SAMM50: variants seen among roughly 807,000 people sequenced by gnomAD.
SAMM50 encodes sorting and assembly machinery component 50 homolog.
SAMM50 carries 47 observed loss-of-function variants against 66.9 expected under a neutral mutation model. That is an observed-to-expected ratio of 0.70 (90% CI 0.56 to 0.90). The LOEUF is 0.90. SAMM50 is among the 40% of genes least tolerant of loss of function. The pLI is 0.00. For synonymous variants in SAMM50, 191 were observed against 214.1 expected (o/e 0.89, Z 0.94); for missense variants, 535 against 595.3 (o/e 0.90, Z 1.05).
At chr22:43,962,659 A>G (rs1196324804) in intron 1 of SAMM50, among the ~76,000 whole-genome samples, 2 of 152,176 alleles carry the variant, frequency 1.3e-5, no homozygotes, top group Non-Finnish European at 2.9e-5. Context: ...CAAGGTAGCT[A>G]TCCTAACATG....
rs945554440 is a variant in SAMM50 at position 43,985,208 on chromosome 22, C to G, written c.1075+1208C>G. ...TAGGATTGGTGAAGCAATATGATAA[C>G]CTTATTAACTCAAGGCCATAGTTTA... On this transcript the variant is annotated intron_variant, in intron 12 of 14. Coordinates refer to ENST00000350028, the MANE Select transcript of SAMM50 (RefSeq NM_015380.5). Among the ~76,000 whole-genome samples the G allele has an allele frequency of 3.9e-5, 6 of 151,916 alleles. 1 individual carries two copies. Among genetic ancestry groups the G allele is most frequent in the African/African-American group, 1.5e-4 (6 of 41,234 alleles).
At chr22:43,976,332 TGTG>T (rs2050231961) in intron 8 of SAMM50, 149 bp downstream of exon 8, 1 of 848,314 alleles carries the variant, frequency 1.2e-6, no homozygotes. Flanking sequence ...CCCGAGGGCT[TGTG>T]GTGTCCTGCC....
intron 1 of SAMM50, among the ~76,000 whole-genome samples, chr22:43,956,864 T>A (rs1368530080): frequency 6.6e-6 from 1 of 152,228 alleles, no homozygotes; most frequent in African/African-American, 2.4e-5. Flanking sequence ...AGCAAAAGCC[T>A]TATGATTCTA....
At chr22:43,966,242 A>G (rs749987785) in intron 3 of SAMM50, among the ~76,000 whole-genome samples, 17 of 152,182 alleles carry the variant, frequency 1.1e-4, no homozygotes, top group Admixed American at 5.9e-4. Flanking sequence ...CTTTGTGTAC[A>G]TTGACTGTGT....
At chr22:43,980,465 C>A (rs1471638315) in intron 10 of SAMM50, among the ~76,000 whole-genome samples, 1 of 151,366 alleles carries the variant, frequency 6.6e-6, no homozygotes, top group Non-Finnish European at 1.5e-5. Context: ...CGAGCACAGC[C>A]CAGAGCACGG....
chr22:43,977,637 C>G (rs1383483646), intron 9 of SAMM50, among the ~76,000 whole-genome samples: 1 of 152,242 alleles, frequency 6.6e-6, no homozygotes, highest in Non-Finnish European at 1.5e-5. Flanking sequence ...CCAGTGCTCC[C>G]TGCACACAGC....
chr22:43,974,103 G>C (rs2050218761), intron 7 of SAMM50, among the ~76,000 whole-genome samples: 1 of 152,108 alleles, frequency 6.6e-6, no homozygotes, highest in Non-Finnish European at 1.5e-5. Context: ...AGAGCCCTGA[G>C]ATAGAATACT....
intron 4 of SAMM50, among the ~76,000 whole-genome samples, chr22:43,969,244 C>G (rs748090988): frequency 5.9e-5 from 9 of 152,220 alleles, no homozygotes; most frequent in African/African-American, 1.9e-4. Context: ...CAGCCCAGCA[C>G]TGTGCAGACC....
intron 4 of SAMM50, among the ~76,000 whole-genome samples, chr22:43,969,450 G>A (rs567300357): frequency 2.6e-5 from 4 of 152,208 alleles, no homozygotes; most frequent in South Asian, 2.1e-4. Flanking sequence ...GATGGGCTTC[G>A]GTCATAGCAG....
intron 14 of SAMM50, among the ~76,000 whole-genome samples, chr22:43,992,045 C>T (rs1377186962): frequency 1.7e-5 from 2 of 116,124 alleles, no homozygotes; most frequent in Non-Finnish European, 3.5e-5. Context: ...ATTCACAGCA[C>T]CCCAGCCTGT....
chr22:43,955,475 C>T lies in SAMM50; in HGVS notation c.-103C>T, dbSNP rs557381360. The T allele has an allele frequency of 2.2e-6, 3 of 1,387,902 alleles. No individual in the cohort carries two copies. Among genetic ancestry groups the T allele is most frequent in the South Asian group, 1.2e-5 (1 of 80,922 alleles). The allele number at this position is 1,387,902 out of a possible 1,614,324, so 86.0% of individuals were successfully genotyped here. A position where few individuals can be genotyped will look rare whatever the true frequency, so the allele number is the denominator to read the frequency against. ...GCGTCCGGGGGTTTGTGGGAGTTGC[C>T]TTGACCTGCAGCTCCGCCACCGCGG... On this transcript the variant is annotated 5_prime_UTR_variant, in exon 1 of 15. Transcript: ENST00000350028.
chr22:43,967,224 C>G (rs535307341), intron 3 of SAMM50, among the ~76,000 whole-genome samples: 16 of 152,342 alleles, frequency 1.1e-4, no homozygotes, highest in Admixed American at 5.9e-4. Flanking sequence ...GTCTTTCTAG[C>G]CAGCTCCTCT....
intron 12 of SAMM50, chr22:43,986,850 G>A (rs1343343983): frequency 6.6e-6 from 1 of 152,088 alleles, no homozygotes; most frequent in Admixed American, 6.5e-5. Flanking sequence ...ACTGCACCCA[G>A]GATTTCTTAA....
intron 10 of SAMM50, among the ~76,000 whole-genome samples, chr22:43,980,293 C>T (rs1369235688): frequency 7.2e-6 from 1 of 139,668 alleles, no homozygotes; most frequent in African/African-American, 2.7e-5. Flanking sequence ...AACTTCCATT[C>T]TTGAGGAGGG....
intron 1 of SAMM50, among the ~76,000 whole-genome samples, chr22:43,960,927 G>A (rs1239918148): frequency 6.6e-6 from 1 of 152,204 alleles, no homozygotes; most frequent in African/African-American, 2.4e-5. Context: ...AAGCCTGAAT[G>A]TGCGGGTGGA....
chr22:43,968,316 T>G (rs927474725), intron 3 of SAMM50, among the ~76,000 whole-genome samples: 2 of 148,626 alleles, frequency 1.3e-5, no homozygotes, highest in African/African-American at 5.0e-5. Flanking sequence ...CACAAGAAGA[T>G]GTGCATTTCT....
chr22:43,963,457 C>T (rs2050157799), intron 2 of SAMM50, 61 bp downstream of exon 2: 1 of 986,934 alleles, frequency 1.0e-6, no homozygotes, highest in Non-Finnish European at 1.5e-6. Flanking sequence ...TTCCATACAC[C>T]ACTAGGGAGA....
intron 12 of SAMM50, among the ~76,000 whole-genome samples, chr22:43,984,963 C>T (rs2050284911): frequency 6.6e-6 from 1 of 152,008 alleles, no homozygotes; most frequent in African/African-American, 2.4e-5. Flanking sequence ...TTTCTCTCAT[C>T]ACCTCCCATA....
intron 12 of SAMM50, among the ~76,000 whole-genome samples, chr22:43,984,344 G>A (rs550246744): frequency 6.6e-6 from 1 of 152,162 alleles, no homozygotes; most frequent in South Asian, 2.1e-4. Flanking sequence ...ATGGAGTCTC[G>A]CCCTGTTGCC....
Sources: gnomAD v4.1 joint callset for allele counts (sites outside exome capture counted in the v4.1 genomes callset) on GRCh38, gnomAD v4.1.1 for gene constraint, MANE v1.5 for transcripts, NCBI Gene and HGNC (gene_info 2026-07-23, HGNC 2026-07-21) for gene names.